The following MFSD11 variants were observed in gnomAD, a reference collection of about 807,000 sequenced individuals.
The protein encoded by MFSD11 is major facilitator superfamily domain containing 11.
Under a neutral mutation model 53.5 loss-of-function variants are expected in MFSD11, and 36 were observed. That is an observed-to-expected ratio of 0.67 (90% confidence interval 0.52 to 0.89). The LOEUF is 0.89. Ranked by LOEUF, MFSD11 falls within the 40% of genes least tolerant of loss-of-function variation. The pLI, the probability that MFSD11 is intolerant of heterozygous loss-of-function variation, is 0.00. For missense variants in MFSD11, 530 were observed against 543.9 expected (o/e 0.97, Z 0.25); for synonymous variants, 186 against 184.9 (o/e 1.01, Z -0.05).
At chr17:76,761,694 G>T (rs969465994) in intron 8 of MFSD11, among the ~76,000 whole-genome samples, 8 of 151,252 alleles carry the variant, frequency 5.3e-5, no homozygotes, top group African/African-American at 1.7e-4. Context: ...AGGCCGAGGC[G>T]GGCGGATCAT....
At position 76,778,342 on chromosome 17, in the gene MFSD11, G is replaced by T; in HGVS notation, c.1340G>T (p.Arg447Leu). 6.2e-7 allele frequency: 1 copy of T among 1,614,098 alleles called. No homozygotes were observed. The highest frequency in any genetic ancestry group is 2.2e-5 in the East Asian group (1 of 44,884). Reference sequence around the variant, plus strand: ...TTTGTAGCCCGCGGCTCTGACTACCGAAGTATCTGATCTGGTGTCCGTGAG... The same window carrying T: ...TTTGTAGCCCGCGGCTCTGACTACCTAAGTATCTGATCTGGTGTCCGTGAG... The part of the protein sequence containing the change: ...AAFVARGSDY[R>L]SI Residue 447 changes from arginine to leucine, a missense_variant, in exon 13 of 13, where the codon CGA becomes CTA. Transcript: ENST00000685175.
intron 8 of MFSD11, among the ~76,000 whole-genome samples, chr17:76,757,968 C>G (rs1278676148): frequency 1.3e-5 from 2 of 152,042 alleles, no homozygotes; most frequent in Non-Finnish European, 2.9e-5. Context: ...CAAGATTGCA[C>G]CACTGTACTC....
intron 6 of MFSD11, 59 bp downstream of exon 6, chr17:76,743,515 A>G: frequency 9.5e-7 from 1 of 1,048,284 alleles, no homozygotes; most frequent in Admixed American, 2.7e-5. Flanking sequence ...GGAGTTATAT[A>G]GAAATACCCA....
At position 76,775,145 on chromosome 17, in the gene MFSD11, T is replaced by G; in HGVS notation, c.1023T>G (p.Thr341=). Residue 341 remains threonine (T), a synonymous_variant, in exon 11 of 13, where the codon ACT becomes ACG. Coordinates refer to ENST00000685175, the MANE Select transcript of MFSD11 (RefSeq NM_001242532.5). ...GDAPIAPVKG[T]DSSAYIKSSK... ...CCCCGATTGCTCCTGTTAAAGGAAC[T>G]GACAGCAGTGCTTACATCAAATCCA... 6 of 1,613,988 alleles carry G rather than the reference T, an allele frequency of 3.7e-6. No individual in the cohort carries two copies. The highest frequency in any genetic ancestry group is 5.1e-6 in the Non-Finnish European group (6 of 1,179,898).
the MFSD11 span, among the ~76,000 whole-genome samples, chr17:76,801,364 C>CA: frequency 3.2e-4 from 23 of 72,224 alleles, no homozygotes; most frequent in East Asian, 2.3e-3. Flanking sequence ...GGCTCTGTCT[C>CA]AAAAAAAAAA....
chr17:76,797,147 C>T, the MFSD11 span, among the ~76,000 whole-genome samples: 3 of 151,366 alleles, frequency 2.0e-5, no homozygotes, highest in Admixed American at 6.6e-5. Flanking sequence ...CCAGCATGGG[C>T]GACAGAGCGA....
intron 10 of MFSD11, among the ~76,000 whole-genome samples, chr17:76,770,637 T>C (rs2081306205): frequency 6.6e-6 from 1 of 152,164 alleles, no homozygotes; most frequent in Admixed American, 6.5e-5. Context: ...CTCTCTGACT[T>C]GGGTACAAAT....
In MFSD11 at chr17:76,749,556, C is replaced by T. The variant is rs531712196; in HGVS notation, c.642-4491C>T. ...CAAAAAAAAAAAGAAGAAGAAGGAACAATGTATGCTGTAGCCTATCTCCAT... is the reference window on the plus strand; with the variant it reads ...CAAAAAAAAAAAGAAGAAGAAGGAATAATGTATGCTGTAGCCTATCTCCAT... On this transcript the variant is annotated intron_variant, in intron 7 of 12. Coordinates refer to ENST00000685175, the MANE Select transcript of MFSD11 (RefSeq NM_001242532.5). Among the ~76,000 whole-genome samples the T allele has an allele frequency of 8.5e-4, 125 of 146,862 alleles. No homozygotes were observed. In the South Asian group the frequency reaches 0.014, roughly 16 times the overall value.
At chr17:76,774,906 T>G in intron 10 of MFSD11, 91 bp from the exon 11 acceptor site, 1 of 1,295,108 alleles carries the variant, frequency 7.7e-7, no homozygotes, top group Non-Finnish European at 1.1e-6. Context: ...CAAGTGAGAA[T>G]GTTTATTCCT....
At chr17:76,749,574 ATCTC>A (rs1438629974) in intron 7 of MFSD11, among the ~76,000 whole-genome samples, 1 of 150,504 alleles carries the variant, frequency 6.6e-6, no homozygotes, top group Non-Finnish European at 1.5e-5. Flanking sequence ...GCTGTAGCCT[ATCTC>A]CATATGGTTC....
chr17:76,750,616 A>G (rs965442233), intron 7 of MFSD11, among the ~76,000 whole-genome samples: 1 of 151,994 alleles, frequency 6.6e-6, no homozygotes, highest in Non-Finnish European at 1.5e-5. Flanking sequence ...TCAGCCTCCC[A>G]AAGTGCTGGG....
intron 8 of MFSD11, among the ~76,000 whole-genome samples, chr17:76,760,873 C>T (rs2080158300): frequency 6.6e-6 from 1 of 152,016 alleles, no homozygotes. Context: ...ACATAATTCT[C>T]AATATTATGG....
the MFSD11 span, among the ~76,000 whole-genome samples, chr17:76,790,991 G>A: frequency 6.8e-6 from 1 of 147,946 alleles, no homozygotes; most frequent in Non-Finnish European, 1.5e-5. Flanking sequence ...TGTTTTGTGT[G>A]TTTTTTGGTC....
intron 8 of MFSD11, among the ~76,000 whole-genome samples, chr17:76,764,346 C>T (rs959021902): frequency 6.6e-6 from 1 of 152,150 alleles, no homozygotes; most frequent in African/African-American, 2.4e-5. Context: ...TACATTAGAT[C>T]CTCAGCACTC....
At chr17:76,743,506 G>A (rs745326251) in intron 6 of MFSD11, 50 bp downstream of exon 6, 13 of 1,184,652 alleles carry the variant, frequency 1.1e-5, no homozygotes, top group Admixed American at 2.5e-5. Context: ...AGCATAATAG[G>A]AGTTATATAG....
chr17:76,739,895 G>A (rs1261203266), intron 2 of MFSD11, among the ~76,000 whole-genome samples: 1 of 152,080 alleles, frequency 6.6e-6, no homozygotes, highest in African/African-American at 2.4e-5. Flanking sequence ...GGCCGGGTGC[G>A]GGGGCTCACG....
intron 8 of MFSD11, among the ~76,000 whole-genome samples, chr17:76,764,668 T>A (rs1256590404): frequency 6.6e-6 from 1 of 151,744 alleles, no homozygotes; most frequent in African/African-American, 2.4e-5. Context: ...TGTTTCCATG[T>A]CTTTGCTATA....
chr17:76,794,881 A>C, the MFSD11 span, among the ~76,000 whole-genome samples: 1 of 150,890 alleles, frequency 6.6e-6, no homozygotes, highest in Non-Finnish European at 1.5e-5. Flanking sequence ...TTTTTAGTAG[A>C]GACGGGGTTT....
intron 2 of MFSD11, among the ~76,000 whole-genome samples, chr17:76,740,053 A>G (rs2077909496): frequency 1.3e-5 from 2 of 151,788 alleles, no homozygotes; most frequent in Non-Finnish European, 1.5e-5. Flanking sequence ...GGGCGCCTGT[A>G]ATCCCAGCTA....
Sources: allele counts gnomAD v4.1 joint callset (sites outside exome capture counted in the v4.1 genomes callset), GRCh38; gene constraint gnomAD v4.1.1; transcripts MANE v1.5; gene names NCBI Gene and HGNC (gene_info 2026-07-23, HGNC 2026-07-21).